The following CNTN1 variants were observed in gnomAD, a reference collection of about 807,000 sequenced individuals.
The protein encoded by CNTN1 is contactin 1, also known as contactin-1.
CNTN1 carries 38 observed loss-of-function variants against 126.4 expected under a neutral mutation model. The ratio of observed to expected loss-of-function variants is 0.30; its 90% confidence interval spans 0.23 to 0.39. The LOEUF (loss-of-function observed/expected upper bound fraction) is 0.39, where lower values mean the gene tolerates loss of function less well. Among genes scored for constraint, CNTN1 ranks in the 10% least tolerant of loss-of-function variants. CNTN1 has a pLI of 1.00. For synonymous variants in CNTN1, 413 were observed against 422.6 expected (o/e 0.98, Z 0.28); for missense variants, 1,009 against 1,248.4 (o/e 0.81, Z 2.89).
At chr12:40,705,201 CTATTATTTGTT>C (rs1304879366) in intron 1 of CNTN1, among the ~76,000 whole-genome samples, 2 of 152,120 alleles carry the variant, frequency 1.3e-5, no homozygotes, top group Admixed American at 1.3e-4. Flanking sequence ...TAATGATTGC[CTATTATTTGTT>C]TCATTAGGGA....
At chr12:40,824,605 C>CCTAAATATCTAT (rs1417426993) in intron 1 of CNTN1, among the ~76,000 whole-genome samples, 1 of 151,996 alleles carries the variant, frequency 6.6e-6, no homozygotes, top group East Asian at 1.9e-4. Flanking sequence ...CCCACAAAAA[C>CCTAAATATCTAT]CTAAAGAAAG....
chr12:40,837,145 G>T (rs1489933497), intron 1 of CNTN1, among the ~76,000 whole-genome samples: 9 of 152,152 alleles, frequency 5.9e-5, no homozygotes, highest in Admixed American at 5.9e-4. Flanking sequence ...CTATTGATTA[G>T]GAGATTGGAG....
At chr12:41,048,201 T>G (rs2121004316) in intron 23 of CNTN1, among the ~76,000 whole-genome samples, 2 of 152,264 alleles carry the variant, frequency 1.3e-5, no homozygotes, top group South Asian at 4.1e-4. Context: ...CGAACACTGG[T>G]TTCACCTTGA....
chr12:40,790,726 A>G (rs1208779944), intron 1 of CNTN1, among the ~76,000 whole-genome samples: 1 of 152,134 alleles, frequency 6.6e-6, no homozygotes, highest in African/African-American at 2.4e-5. Context: ...CCCACCGCCA[A>G]CCAACACAAG....
chr12:40,944,754 A>G (rs1592296557), intron 14 of CNTN1, among the ~76,000 whole-genome samples: 1 of 152,074 alleles, frequency 6.6e-6, no homozygotes. Context: ...AAGACTGAGA[A>G]GTAATGCAGG....
chr12:40,793,465 G>GAA (rs5797683), intron 1 of CNTN1, among the ~76,000 whole-genome samples: 1 of 145,558 alleles, frequency 6.9e-6, no homozygotes. Flanking sequence ...TACTTGTGGG[G>GAA]AAAAAAAAAA....
intron 17 of CNTN1, among the ~76,000 whole-genome samples, chr12:40,998,459 A>T (rs900017187): frequency 2.6e-5 from 4 of 152,026 alleles, no homozygotes; most frequent in African/African-American, 4.8e-5. Flanking sequence ...CAAACCTACA[A>T]TTTCTATCTG....
chr12:41,020,209 A>C, intron 19 of CNTN1, 128 bp from the exon 20 acceptor site: 1 of 622,068 alleles, frequency 1.6e-6, no homozygotes, highest in Non-Finnish European at 2.8e-6. Context: ...GTTTGAAAAT[A>C]GTAAAGCTAT....
At chr12:40,827,630 C>G (rs1941657269) in intron 1 of CNTN1, among the ~76,000 whole-genome samples, 1 of 152,164 alleles carries the variant, frequency 6.6e-6, no homozygotes, top group Admixed American at 6.6e-5. Context: ...TGTAGCATTT[C>G]TGCCAAAGAA....
rs191863161 is a variant in CNTN1 at position 40,853,459 on chromosome 12, C to T, written c.-76-54898C>T. Among the ~76,000 whole-genome samples the T allele has an allele frequency of 6.5e-3, 992 of 152,254 alleles. 10 individuals carry two copies. Among genetic ancestry groups the T allele is most frequent in the Non-Finnish European group, 0.011 (726 of 68,004 alleles). On this transcript the variant is annotated intron_variant, in intron 1 of 23. Coordinates refer to ENST00000551295, the MANE Select transcript of CNTN1 (RefSeq NM_001843.4). ...TTAGTGAAAGACTCAACTGAACGCT[C>T]AATCCAAGGCATCCTTTGTATTTGA...
intron 1 of CNTN1, among the ~76,000 whole-genome samples, chr12:40,825,902 C>T (rs1941601386): frequency 1.3e-5 from 2 of 152,004 alleles, no homozygotes; most frequent in South Asian, 4.1e-4. Context: ...ATCTCTGTCT[C>T]CATCTTTAGA....
At chr12:40,965,177 A>G (rs1337993194) in intron 15 of CNTN1, among the ~76,000 whole-genome samples, 1 of 152,168 alleles carries the variant, frequency 6.6e-6, no homozygotes, top group Non-Finnish European at 1.5e-5. Flanking sequence ...TTTATGTTCA[A>G]ATTTGAAAAT....
chr12:40,893,576 C>A (rs1944311095), intron 1 of CNTN1, among the ~76,000 whole-genome samples: 1 of 152,024 alleles, frequency 6.6e-6, no homozygotes, highest in African/African-American at 2.4e-5. Context: ...AGAAAGTAAA[C>A]AATCTACCAA....
intron 23 of CNTN1, among the ~76,000 whole-genome samples, chr12:41,037,921 G>A (rs1949302821): frequency 6.6e-6 from 1 of 152,146 alleles, no homozygotes; most frequent in African/African-American, 2.4e-5. Context: ...ACTTTGGGAG[G>A]CCAAGGTGGG....
intron 1 of CNTN1, among the ~76,000 whole-genome samples, chr12:40,854,981 G>T (rs1401476661): frequency 6.6e-6 from 1 of 152,054 alleles, no homozygotes; most frequent in Non-Finnish European, 1.5e-5. Flanking sequence ...AGGTGATAGG[G>T]AAGGCAATGA....
At chr12:40,786,519 G>A (rs1207748579) in intron 1 of CNTN1, among the ~76,000 whole-genome samples, 1 of 152,266 alleles carries the variant, frequency 6.6e-6, no homozygotes, top group East Asian at 1.9e-4. Context: ...GATGGCTGAA[G>A]GGACTTATAA....
chr12:40,995,128 A>G (rs1948181639), intron 17 of CNTN1, among the ~76,000 whole-genome samples: 1 of 152,132 alleles, frequency 6.6e-6, no homozygotes, highest in Admixed American at 6.5e-5. Flanking sequence ...TAATTTCAGA[A>G]TTATCCTTTT....
chr12:40,743,300 T>C (rs1164066675), intron 1 of CNTN1, among the ~76,000 whole-genome samples: 1 of 151,636 alleles, frequency 6.6e-6, no homozygotes, highest in Admixed American at 6.6e-5. Flanking sequence ...AGGACTTTCT[T>C]TGTGATGCTA....
chr12:40,853,664 C>CT (rs909860679), intron 1 of CNTN1, among the ~76,000 whole-genome samples: 11 of 151,548 alleles, frequency 7.3e-5, no homozygotes, highest in African/African-American at 1.7e-4. Context: ...ATATACAATC[C>CT]TTTTTTTTCC....
Sources: gnomAD v4.1 joint callset for allele counts (sites outside exome capture counted in the v4.1 genomes callset) on GRCh38, gnomAD v4.1.1 for gene constraint, MANE v1.5 for transcripts, NCBI Gene and HGNC (gene_info 2026-07-23, HGNC 2026-07-21) for gene names.